The following PACS1 variants were observed in gnomAD, a reference collection of about 807,000 sequenced individuals.
PACS1 encodes the protein phosphofurin acidic cluster sorting protein 1.
PACS1 carries 24 observed loss-of-function variants against 115.0 expected under a neutral mutation model. The observed-to-expected ratio is 0.21, with a 90% CI of 0.15 to 0.29. The LOEUF is 0.29. Among genes scored for constraint, PACS1 ranks in the 10% least tolerant of loss-of-function variants. The probability of loss-of-function intolerance (pLI) is 1.00; values close to 1 mark genes in which losing one functional copy is unlikely to be tolerated. For missense variants in PACS1, 838 were observed against 1,251.2 expected (o/e 0.67, Z 4.98); for synonymous variants, 453 against 504.5 (o/e 0.90, Z 1.37).
At position 66,099,160 on chromosome 11, in the gene PACS1, C is replaced by G. The variant is rs142168294; in HGVS notation, c.356+28318C>G. On this transcript the variant is annotated intron_variant, in intron 1 of 23. Transcript: ENST00000320580. ...CAGGGCTCAAGCAGTTCTCCTGCCT[C>G]AGCCTCCAAAGTAGCTGGTACTACA... 9.6e-3 allele frequency among the ~76,000 whole-genome samples: 1,460 copies of G among 152,312 alleles called. 24 individuals are homozygous for G. The highest frequency in any genetic ancestry group is 0.032 in the African/African-American group (1,346 of 41,574).
chr11:66,164,682 C>A (rs1859564433), intron 1 of PACS1, among the ~76,000 whole-genome samples: 1 of 137,392 alleles, frequency 7.3e-6, no homozygotes, highest in Admixed American at 7.2e-5. Flanking sequence ...CTCCTGAGCT[C>A]AAGTGATCCT....
chr11:66,141,172 T>G (rs1858973773), intron 1 of PACS1, among the ~76,000 whole-genome samples: 2 of 152,250 alleles, frequency 1.3e-5, no homozygotes, highest in Non-Finnish European at 2.9e-5. Flanking sequence ...CTTGAACTTT[T>G]TGTATGTTTA....
At chr11:66,241,969 A>G (rs1019103664) in intron 22 of PACS1, among the ~76,000 whole-genome samples, 6 of 152,192 alleles carry the variant, frequency 3.9e-5, no homozygotes, top group Non-Finnish European at 7.4e-5. Flanking sequence ...GACTGCAGAC[A>G]GGGAGAGGCC....
chr11:66,110,792 C>T (rs1475473640), intron 1 of PACS1, among the ~76,000 whole-genome samples: 1 of 152,144 alleles, frequency 6.6e-6, no homozygotes, highest in Non-Finnish European at 1.5e-5. Flanking sequence ...TGGTCATGAA[C>T]TCCTGACCTC....
intron 1 of PACS1, among the ~76,000 whole-genome samples, chr11:66,115,049 A>AG (rs1186623330): frequency 1.3e-5 from 2 of 151,896 alleles, no homozygotes; most frequent in Admixed American, 6.6e-5. Flanking sequence ...TACAAAAAAA[A>AG]AATACAAAAA....
At chr11:66,078,563 A>G (rs945770136) in intron 1 of PACS1, among the ~76,000 whole-genome samples, 1 of 152,052 alleles carries the variant, frequency 6.6e-6, no homozygotes, top group Non-Finnish European at 1.5e-5. Context: ...TTTGTTTTTG[A>G]TTTTGAGATA....
At position 66,235,561 on chromosome 11, in the gene PACS1, C is replaced by T. The variant is rs1855689395; in HGVS notation, c.2207+158C>T. 1 of 631,870 alleles carries T rather than the reference C, an allele frequency of 1.6e-6. No homozygotes were observed. The highest frequency in any genetic ancestry group is 1.8e-5 in the African/African-American group (1 of 54,654). 39.1% of individuals were successfully genotyped at this position (631,870 alleles called of 1,614,324 possible). A position where few individuals can be genotyped will look rare whatever the true frequency, so the allele number is the denominator to read the frequency against. On this transcript the variant is annotated intron_variant, in intron 18 of 23. Transcript: ENST00000320580. The surrounding 1 kb of genome is among the most constrained non-coding windows in gnomAD (Gnocchi z 5.6). ...GGTTTTTACCACCACCTCCCCAGCA[C>T]TCCTTCCTTGCCCAAGGCCTCCCAC...
At position 66,220,540 on chromosome 11, in the gene PACS1, T is replaced by G. The variant is rs568110001; in HGVS notation, c.1039-91T>G. On this transcript the variant is annotated intron_variant, in intron 8 of 23. Transcript: ENST00000320580. ...CTCTGGCATGTCCCTTAAGCAGGAC[T>G]ATAAGGGCAGCCCAGGAGAAAGGAG... The G allele has an allele frequency of 4.4e-5, 55 of 1,258,806 alleles. No individual in the cohort carries two copies. The South Asian group carries it at 6.3e-4, about 14-fold the overall frequency. The allele number at this position is 1,258,806 out of a possible 1,614,324, so 78.0% of individuals were successfully genotyped here. A position where few individuals can be genotyped will look rare whatever the true frequency, so the allele number is the denominator to read the frequency against.
chr11:66,076,026 C>T lies in PACS1; in HGVS notation c.356+5184C>T, dbSNP rs146978501. Among the ~76,000 whole-genome samples, 1,461 of 152,154 alleles carry T rather than the reference C, an allele frequency of 9.6e-3. 23 individuals are homozygous for T. Among genetic ancestry groups the T allele is most frequent in the African/African-American group, 0.032 (1,342 of 41,492 alleles). On this transcript the variant is annotated intron_variant, in intron 1 of 23. Transcript: ENST00000320580. The stretch of plus-strand genomic sequence containing the variant: ...TGCTGGGATTACAGACGTGAGCCAC[C>T]GCGCTCAGCCACATTAAAAGTCTTA...
chr11:66,131,881 C>T (rs1166704508), intron 1 of PACS1, among the ~76,000 whole-genome samples: 2 of 152,064 alleles, frequency 1.3e-5, no homozygotes, highest in African/African-American at 4.8e-5. Flanking sequence ...TCACTGTCTA[C>T]CTGATAGCCC....
intron 1 of PACS1, among the ~76,000 whole-genome samples, chr11:66,117,473 A>G (rs559435689): frequency 3.1e-4 from 47 of 150,464 alleles, no homozygotes; most frequent in South Asian, 2.3e-3. Context: ...AAAAAAAAAA[A>G]AGAGAGAAAA....
intron 1 of PACS1, among the ~76,000 whole-genome samples, chr11:66,072,624 T>C (rs1857328941): frequency 6.6e-6 from 1 of 152,192 alleles, no homozygotes; most frequent in African/African-American, 2.4e-5. Flanking sequence ...AAGCGAGAGT[T>C]GAGTATGTGA....
chr11:66,070,928 C>T lies in PACS1; in HGVS notation c.356+86C>T. 1 of 1,264,028 alleles carries T rather than the reference C, an allele frequency of 7.9e-7. No homozygotes were observed. The highest frequency in any genetic ancestry group is 1.0e-6 in the Non-Finnish European group (1 of 981,598). 78.3% of individuals were successfully genotyped at this position (1,264,028 alleles called of 1,614,324 possible). A position where few individuals can be genotyped will look rare whatever the true frequency, so the allele number is the denominator to read the frequency against. On this transcript the variant is annotated intron_variant, in intron 1 of 23. Coordinates refer to ENST00000320580, the MANE Select transcript of PACS1 (RefSeq NM_018026.4). The surrounding 1 kb of genome is among the most constrained non-coding windows in gnomAD (Gnocchi z 5.9). ...CTCCCCGCCCCAGCGCCCATGGGGT[C>T]CCCGCCCTCCATCTCCCCGACTGTC...
intron 10 of PACS1, among the ~76,000 whole-genome samples, chr11:66,223,365 A>C (rs1463540933): frequency 8.9e-4 from 133 of 149,880 alleles, no homozygotes; most frequent in African/African-American, 2.6e-3. Context: ...AAGTGCTGGG[A>C]TTAGAGGCTT....
intron 1 of PACS1, among the ~76,000 whole-genome samples, chr11:66,173,217 G>GCCA (rs1859780986): frequency 6.6e-6 from 1 of 151,300 alleles, no homozygotes; most frequent in Admixed American, 6.6e-5. Context: ...ACAGGCATAA[G>GCCA]CCACCACATC....
intron 2 of PACS1, among the ~76,000 whole-genome samples, chr11:66,193,799 A>T (rs1854586259): frequency 6.6e-6 from 1 of 152,192 alleles, no homozygotes; most frequent in South Asian, 2.1e-4. Context: ...TGAAGAACAG[A>T]AATGGTTTTT....
chr11:66,223,022 G>C (rs1855387931), intron 10 of PACS1, among the ~76,000 whole-genome samples: 1 of 140,224 alleles, frequency 7.1e-6, no homozygotes, highest in Non-Finnish European at 1.5e-5. Flanking sequence ...CCGGGTTCAT[G>C]GGGATCCAAG....
At chr11:66,194,898 G>A (rs1406607722) in intron 2 of PACS1, among the ~76,000 whole-genome samples, 2 of 152,080 alleles carry the variant, frequency 1.3e-5, no homozygotes, top group African/African-American at 2.4e-5. Flanking sequence ...GGATAAAGAC[G>A]TTAGTCCCAA....
At chr11:66,212,308 T>A (rs1004900277) in intron 4 of PACS1, among the ~76,000 whole-genome samples, 3 of 151,622 alleles carry the variant, frequency 2.0e-5, no homozygotes, top group Non-Finnish European at 1.5e-5. Context: ...ATTTTTTTTT[T>A]TTTTTAGTAG....
Sources: gnomAD v4.1 joint callset for allele counts (sites outside exome capture counted in the v4.1 genomes callset) on GRCh38, gnomAD v4.1.1 for gene constraint, Gnocchi (gnomAD v3.1) non-coding constraint, MANE v1.5 for transcripts, NCBI Gene and HGNC (gene_info 2026-07-23, HGNC 2026-07-21) for gene names.